Variants in NRG3 observed in about 807,000 individuals in gnomAD.
NRG3 encodes the protein neuregulin 3.
Under a neutral mutation model 66.9 loss-of-function variants are expected in NRG3, and 31 were observed. That is an observed-to-expected ratio of 0.46 (90% CI 0.35 to 0.63). The LOEUF is 0.63. Among genes scored for constraint, NRG3 ranks in the 20% least tolerant of loss-of-function variants. NRG3 has a pLI of 0.00. For synonymous variants in NRG3, 393 were observed against 359.4 expected, an observed-to-expected ratio of 1.09 and a Z score of -1.06; for missense variants, 910 against 878.9, an observed-to-expected ratio of 1.04 and a Z score of -0.45.
intron 1 of NRG3, among the ~76,000 whole-genome samples, chr10:82,111,606 G>C (rs1414972611): frequency 6.6e-6 from 1 of 152,084 alleles, no homozygotes; most frequent in African/African-American, 2.4e-5. Context: ...ATCTATCCAT[G>C]AACTCTTTTT....
intron 3 of NRG3, among the ~76,000 whole-genome samples, chr10:82,744,967 G>A (rs373168764): frequency 2.4e-4 from 36 of 152,130 alleles, no homozygotes; most frequent in African/African-American, 8.7e-4. Flanking sequence ...CACTGAGACA[G>A]GTGCTACTAA....
chr10:82,645,828 A>G (rs932065877), intron 2 of NRG3, among the ~76,000 whole-genome samples: 1 of 151,632 alleles, frequency 6.6e-6, no homozygotes, highest in Admixed American at 6.6e-5. Context: ...CCTTTCTTCT[A>G]TGTTTTCTTT....
chr10:82,346,539 G>T (rs896341588), intron 1 of NRG3, among the ~76,000 whole-genome samples: 26 of 152,196 alleles, frequency 1.7e-4, no homozygotes, highest in Middle Eastern at 3.4e-3. Context: ...TTTTGGTTGA[G>T]TCTCTGCCCA....
chr10:82,190,573 C>T (rs1478157236), intron 1 of NRG3, among the ~76,000 whole-genome samples: 1 of 152,154 alleles, frequency 6.6e-6, no homozygotes, highest in Non-Finnish European at 1.5e-5. Context: ...AATCCAAAAG[C>T]TGAAGAGATG....
chr10:82,161,510 T>C (rs1307123378), intron 1 of NRG3, among the ~76,000 whole-genome samples: 1 of 152,102 alleles, frequency 6.6e-6, no homozygotes, highest in Admixed American at 6.6e-5. Context: ...GCTATAATCT[T>C]CACATAGACA....
Position 82,201,196 on chromosome 10 carries a change from C to CA in NRG3, c.824-157522dup, listed in dbSNP as rs35232518. On this transcript the variant is annotated intron_variant, in intron 1 of 8. Coordinates refer to ENST00000372141, the MANE Select transcript of NRG3 (RefSeq NM_001010848.4). The stretch of plus-strand genomic sequence containing the variant: ...CTGGTGACAGAGTGAGACTCTGTCT[C>CA]AAAAAAAAAAAAAAAAAAAAAGACA... Among the ~76,000 whole-genome samples, 511 of 77,956 alleles carry CA rather than the reference C, an allele frequency of 6.6e-3. 8 individuals carry two copies. Among genetic ancestry groups the CA allele is most frequent in the East Asian group, 0.048 (138 of 2,858 alleles). 51.1% of individuals were successfully genotyped at this position (77,956 alleles called of 152,430 possible).
In NRG3 at chr10:82,514,617, A is replaced by G. The variant is rs570895432; in HGVS notation, c.953+155749A>G. Among the ~76,000 whole-genome samples, 412 of 152,154 alleles carry G rather than the reference A, an allele frequency of 2.7e-3. 1 individual carries two copies. Among genetic ancestry groups the G allele is most frequent in the African/African-American group, 9.5e-3 (394 of 41,540 alleles). ...TGTTTGTTTTTGTTTTTGTTTTTAC[A>G]GTAGCCTTGTATAGCTTGAAGTTGG... On this transcript the variant is annotated intron_variant, in intron 2 of 8. Transcript: ENST00000372141.
intron 1 of NRG3, among the ~76,000 whole-genome samples, chr10:82,091,672 C>A (rs1191370144): frequency 6.6e-6 from 1 of 151,992 alleles, no homozygotes; most frequent in Non-Finnish European, 1.5e-5. Flanking sequence ...TGTGTATATG[C>A]CAAAAAATTG....
intron 1 of NRG3, among the ~76,000 whole-genome samples, chr10:81,932,419 G>A (rs952116051): frequency 7.9e-5 from 12 of 152,216 alleles, no homozygotes; most frequent in Admixed American, 3.3e-4. Context: ...AGGTTTAGCT[G>A]GGGACAAATA....
intron 1 of NRG3, among the ~76,000 whole-genome samples, chr10:82,201,239 G>A (rs2074803688): frequency 6.7e-6 from 1 of 150,318 alleles, no homozygotes; most frequent in South Asian, 2.1e-4. Flanking sequence ...TTTCAGGCTG[G>A]AACCACTGGA....
chr10:82,516,450 A>G (rs1169738483), intron 2 of NRG3, among the ~76,000 whole-genome samples: 1 of 152,166 alleles, frequency 6.6e-6, no homozygotes, highest in Non-Finnish European at 1.5e-5. Context: ...TATACTAAGT[A>G]TAAGGAACTG....
At chr10:82,371,292 G>A (rs1440735244) in intron 2 of NRG3, among the ~76,000 whole-genome samples, 2 of 152,206 alleles carry the variant, frequency 1.3e-5, no homozygotes, top group African/African-American at 4.8e-5. Context: ...TAAAGTGAAA[G>A]GAATAAAAAA....
intron 1 of NRG3, among the ~76,000 whole-genome samples, chr10:81,992,934 A>G (rs1363919282): frequency 6.6e-6 from 1 of 152,226 alleles, no homozygotes; most frequent in Admixed American, 6.5e-5. Context: ...TGAGACTTGC[A>G]GTAATGAAAC....
rs142417138 is a variant in NRG3 at position 82,853,850 on chromosome 10, G to A, written c.1028-11561G>A. On this transcript the variant is annotated intron_variant, in intron 3 of 8. Coordinates refer to ENST00000372141, the MANE Select transcript of NRG3 (RefSeq NM_001010848.4). ...CCATATTTTACTGAATAGAAGTGGT[G>A]AGAGTGGGCATCCTTGTCTTGTTCC... Among the ~76,000 whole-genome samples, 13 of 152,276 alleles carry A rather than the reference G, an allele frequency of 8.5e-5. No individual in the cohort carries two copies. In the East Asian group the frequency reaches 1.4e-3, roughly 16 times the overall value.
At chr10:82,851,969 A>G (rs1344110317) in intron 3 of NRG3, among the ~76,000 whole-genome samples, 1 of 152,168 alleles carries the variant, frequency 6.6e-6, no homozygotes, top group Non-Finnish European at 1.5e-5. Context: ...GACCCTCTGT[A>G]GGGAAAGATA....
intron 1 of NRG3, among the ~76,000 whole-genome samples, chr10:82,324,899 G>A (rs895747012): frequency 6.6e-6 from 1 of 152,186 alleles, no homozygotes; most frequent in Non-Finnish European, 1.5e-5. Context: ...TGGATGGAGT[G>A]TACTATAACT....
intron 4 of NRG3, among the ~76,000 whole-genome samples, chr10:82,914,926 G>A (rs1471372938): frequency 6.6e-6 from 1 of 152,160 alleles, no homozygotes; most frequent in South Asian, 2.1e-4. Flanking sequence ...AAGGAGAACA[G>A]AACATTCTGA....
rs558870650 is a variant in NRG3 at position 82,921,551 on chromosome 10, C to T, written c.1055-29918C>T. On this transcript the variant is annotated intron_variant, in intron 4 of 8. Coordinates refer to ENST00000372141, the MANE Select transcript of NRG3 (RefSeq NM_001010848.4). ...TTGGTATGGAATATAAGTGAAATTTCTCTACTATCTTCACAATAATTCTGT... is the reference window on the plus strand; with the variant it reads ...TTGGTATGGAATATAAGTGAAATTTTTCTACTATCTTCACAATAATTCTGT... 9.1e-4 allele frequency among the ~76,000 whole-genome samples: 139 copies of T among 152,234 alleles called. 1 individual carries two copies. The Middle Eastern group carries it at 0.01, about 11-fold the overall frequency.
intron 1 of NRG3, among the ~76,000 whole-genome samples, chr10:82,246,764 G>A (rs916114596): frequency 1.3e-5 from 2 of 149,730 alleles, no homozygotes; most frequent in African/African-American, 4.9e-5. Context: ...GTATTTAGAA[G>A]GAGTTTTTTT....
Sources: gnomAD v4.1 joint callset for allele counts (sites outside exome capture counted in the v4.1 genomes callset) on GRCh38, gnomAD v4.1.1 for gene constraint, MANE v1.5 for transcripts, NCBI Gene and HGNC (gene_info 2026-07-23, HGNC 2026-07-21) for gene names.